The following FIG4 variants were observed in gnomAD, a reference collection of about 807,000 sequenced individuals.
The protein encoded by FIG4 is FIG4 phosphoinositide 5-phosphatase, also known as polyphosphoinositide phosphatase.
FIG4 carries 112 observed loss-of-function variants against 118.6 expected under a neutral mutation model. That is an observed-to-expected ratio of 0.94 (90% CI 0.81 to 1.11). The LOEUF is 1.11. FIG4 is among the 50% of genes least tolerant of loss of function. The pLI is 0.00. For missense variants in FIG4, 969 were observed against 1,111.7 expected, an observed-to-expected ratio of 0.87 and a Z score of 1.83; for synonymous variants, 369 against 381.2, an observed-to-expected ratio of 0.97 and a Z score of 0.37.
chr6:109,716,329 A>G, intron 2 of FIG4, 116 bp from the exon 3 acceptor site: 2 of 1,021,106 alleles, frequency 2.0e-6, no homozygotes, highest in South Asian at 2.7e-5. Context: ...ACTATTATAT[A>G]CTTCTGTATG....
At chr6:109,723,163 T>C (rs1016161542) in intron 3 of FIG4, among the ~76,000 whole-genome samples, 12 of 152,234 alleles carry the variant, frequency 7.9e-5, no homozygotes, top group Non-Finnish European at 1.6e-4. Context: ...CCTTTGTTTT[T>C]ATTATTTTTA....
At chr6:109,757,518 C>T (rs897844765) in intron 10 of FIG4, among the ~76,000 whole-genome samples, 4 of 152,166 alleles carry the variant, frequency 2.6e-5, no homozygotes, top group Non-Finnish European at 5.9e-5. Context: ...ACTGAATGGG[C>T]AAAAGCTGGA....
intron 15 of FIG4, among the ~76,000 whole-genome samples, chr6:109,776,487 A>G (rs906407862): frequency 1.2e-4 from 19 of 152,184 alleles, no homozygotes; most frequent in African/African-American, 4.6e-4. Flanking sequence ...CAGAATATGG[A>G]TAGAAATTGG....
At chr6:109,802,168 C>G (rs1218998535) in intron 22 of FIG4, among the ~76,000 whole-genome samples, 1 of 152,182 alleles carries the variant, frequency 6.6e-6, no homozygotes, top group Non-Finnish European at 1.5e-5. Context: ...ACTTTCTTTT[C>G]TCTTTTCCTT....
intron 1 of FIG4, among the ~76,000 whole-genome samples, chr6:109,703,649 A>G (rs1774969288): frequency 6.6e-6 from 1 of 152,108 alleles, no homozygotes; most frequent in Non-Finnish European, 1.5e-5. Context: ...CCAGGATTCT[A>G]CCTGTTTTGC....
At chr6:109,789,262 A>T (rs911292638) in intron 18 of FIG4, among the ~76,000 whole-genome samples, 5 of 152,236 alleles carry the variant, frequency 3.3e-5, no homozygotes, top group Non-Finnish European at 7.3e-5. Context: ...ATAGTAGATG[A>T]TACTTAAATT....
chr6:109,741,135 G>A (rs145003105), intron 7 of FIG4, among the ~76,000 whole-genome samples: 2 of 152,130 alleles, frequency 1.3e-5, no homozygotes, highest in African/African-American at 4.8e-5. Context: ...AGAAGGATTA[G>A]TTGTACTTGT....
chr6:109,729,071 G>A (rs1215290338), intron 4 of FIG4, among the ~76,000 whole-genome samples: 2 of 152,014 alleles, frequency 1.3e-5, no homozygotes, highest in Non-Finnish European at 2.9e-5. Context: ...TAATCCAATA[G>A]TGTATCTAAG....
At chr6:109,724,071 A>T (rs1336290070) in intron 3 of FIG4, among the ~76,000 whole-genome samples, 1 of 152,098 alleles carries the variant, frequency 6.6e-6, no homozygotes, top group African/African-American at 2.4e-5. Context: ...TGTTCCTCAG[A>T]ACGTATATCC....
At chr6:109,758,663 G>A (rs772670852) in intron 10 of FIG4, among the ~76,000 whole-genome samples, 9 of 152,182 alleles carry the variant, frequency 5.9e-5, no homozygotes, top group Non-Finnish European at 1.2e-4. Context: ...TCATCAGAGT[G>A]AACAGGCAGC....
intron 22 of FIG4, among the ~76,000 whole-genome samples, chr6:109,797,665 A>G (rs553253585): frequency 6.6e-6 from 1 of 152,112 alleles, no homozygotes; most frequent in African/African-American, 2.4e-5. Context: ...AGAAGTTGAG[A>G]TGGGTGGATC....
Position 109,764,895 on chromosome 6 carries a change from TTTTTTG to T in FIG4, c.1435-84_1435-79del, listed in dbSNP as rs71018366. On this transcript the variant is annotated intron_variant, in intron 13 of 22. Coordinates refer to ENST00000230124, the MANE Select transcript of FIG4 (RefSeq NM_014845.6). ...CAGGAATAATACCTGCCCACAGACT[TTTTTTG>T]TTTTTGTTTTTGTTTTTGTTTTTGT... 0.066 allele frequency: 53,593 copies of T among 810,936 alleles called. 3,484 individuals are homozygous for T. Among genetic ancestry groups the T allele is most frequent in the African/African-American group, 0.24 (13,992 of 58,106 alleles). 50.2% of individuals were successfully genotyped at this position (810,936 alleles called of 1,614,324 possible). A position where few individuals can be genotyped will look rare whatever the true frequency, so the allele number is the denominator to read the frequency against.
intron 1 of FIG4, among the ~76,000 whole-genome samples, chr6:109,713,188 G>A (rs13212535): frequency 0.24 from 36,679 of 152,122 alleles, 4,766 homozygotes; most frequent in Middle Eastern, 0.31. Flanking sequence ...GTGCGGTGGC[G>A]GTGGGATATG....
At chr6:109,697,089 C>T (rs975367399) in intron 1 of FIG4, among the ~76,000 whole-genome samples, 7 of 151,686 alleles carry the variant, frequency 4.6e-5, no homozygotes, top group Non-Finnish European at 1.0e-4. Flanking sequence ...AGTGAAACCC[C>T]GTCTCTACTA....
chr6:109,760,091 T>C (rs1192329850), intron 10 of FIG4, among the ~76,000 whole-genome samples, 159 bp from the exon 11 acceptor site: 2 of 152,230 alleles, frequency 1.3e-5, no homozygotes, highest in African/African-American at 2.4e-5. Context: ...TTTATTTCTT[T>C]GTGTTTTTAT....
chr6:109,784,979 C>A lies in FIG4; in HGVS notation c.1899C>A (p.Tyr633Ter). 1 of 1,532,644 alleles carries A rather than the reference C, an allele frequency of 6.5e-7. No homozygotes were observed. The highest frequency in any genetic ancestry group is 9.0e-7 in the Non-Finnish European group (1 of 1,111,234). 94.9% of individuals were successfully genotyped at this position (1,532,644 alleles called of 1,614,324 possible). Residue 633 changes from tyrosine to a stop codon, truncating the protein, a stop_gained, in exon 17 of 23, where the codon TAC (tyrosine) becomes TAA (stop). Transcript: ENST00000230124. LOFTEE classifies it high-confidence loss of function. Reference sequence around the variant, plus strand: ...AATTTTTATTTTATAGTTATACTTACTGGTGGACACCAGAGGTGATAAAGC... The same window carrying A: ...AATTTTTATTTTATAGTTATACTTAATGGTGGACACCAGAGGTGATAAAGC... ...RLLPTRRSYT[Y>*]WWTPEVIKHL...
At chr6:109,747,311 G>C (rs1776533068) in intron 10 of FIG4, among the ~76,000 whole-genome samples, 1 of 152,050 alleles carries the variant, frequency 6.6e-6, no homozygotes, top group Non-Finnish European at 1.5e-5. Flanking sequence ...AGCTTGTCTT[G>C]GGGATCTCCT....
In FIG4 at chr6:109,716,435, T is replaced by C. The variant is rs372103576; in HGVS notation, c.166-10T>C. ...GCACAACCTTACAGAGTAAATGTGC[T>C]TATTCTTAGCATGTCTATACTCAAC... On this transcript the variant is annotated splice_polypyrimidine_tract_variant and intron_variant, in intron 2 of 22. Transcript: ENST00000230124. 5.0e-6 allele frequency: 8 copies of C among 1,613,188 alleles called. No homozygotes were observed. In the African/African-American group the frequency reaches 9.3e-5, roughly 19 times the overall value.
chr6:109,705,535 T>C (rs1775041459), intron 1 of FIG4, among the ~76,000 whole-genome samples: 1 of 152,238 alleles, frequency 6.6e-6, no homozygotes, highest in South Asian at 2.1e-4. Flanking sequence ...CACTCTGATC[T>C]ATTTCCAGAT....
Sources: gnomAD v4.1 joint callset for allele counts (sites outside exome capture counted in the v4.1 genomes callset) on GRCh38, gnomAD v4.1.1 for gene constraint, MANE v1.5 for transcripts, NCBI Gene and HGNC (gene_info 2026-07-23, HGNC 2026-07-21) for gene names.